The following TSPAN4 variants were observed in gnomAD, a reference collection of about 807,000 sequenced individuals.
The protein encoded by TSPAN4 is tetraspanin-4.
A neutral mutation model predicts 31.5 loss-of-function variants in TSPAN4; 38 were observed. That is an observed-to-expected ratio of 1.21 (90% confidence interval 0.93 to 1.58). The LOEUF is 1.58. Among genes scored for constraint, TSPAN4 ranks in the 40% most tolerant of loss-of-function variants. TSPAN4 has a pLI of 0.00. For missense variants in TSPAN4, 330 were observed against 317.3 expected (o/e 1.04, Z -0.30); for synonymous variants, 186 against 144.6 (o/e 1.29, Z -2.06).
At chr11:847,486 G>A (rs1299601008) in intron 2 of TSPAN4, among the ~76,000 whole-genome samples, 186 bp downstream of exon 2, 2 of 152,120 alleles carry the variant, frequency 1.3e-5, no homozygotes, top group Admixed American at 6.5e-5. Flanking sequence ...CCCCGACTGG[G>A]GTGTTGAAGG....
At chr11:853,005 G>A (rs1432346457) in intron 3 of TSPAN4, among the ~76,000 whole-genome samples, 2 of 152,120 alleles carry the variant, frequency 1.3e-5, no homozygotes, top group Non-Finnish European at 2.9e-5. Context: ...CCGGGGTGGG[G>A]TGAGGAAAGT....
chr11:850,463 C>A, intron 3 of TSPAN4, 96 bp downstream of exon 3: 1 of 1,093,232 alleles, frequency 9.1e-7, no homozygotes, highest in Non-Finnish European at 1.3e-6. Flanking sequence ...CTGCCCCGGC[C>A]AGGCGTTGGG....
At chr11:860,668 A>T (rs1848405257) in intron 3 of TSPAN4, among the ~76,000 whole-genome samples, 1 of 151,914 alleles carries the variant, frequency 6.6e-6, no homozygotes, top group Non-Finnish European at 1.5e-5. Flanking sequence ...GTGGGGTGTG[A>T]GTCTGGCCAC....
chr11:852,034 A>G (rs1415722679), intron 3 of TSPAN4, among the ~76,000 whole-genome samples: 1 of 152,108 alleles, frequency 6.6e-6, no homozygotes, highest in Non-Finnish European at 1.5e-5. Flanking sequence ...TTCCTACCGC[A>G]TGGCAGACAC....
At chr11:861,123 AC>A (rs924795239) in intron 3 of TSPAN4, among the ~76,000 whole-genome samples, 3 of 151,846 alleles carry the variant, frequency 2.0e-5, no homozygotes, top group Non-Finnish European at 2.9e-5. Flanking sequence ...GCAGCCTAGC[AC>A]CCTCTCTCTG....
At position 862,543 on chromosome 11, in the gene TSPAN4, G is replaced by A. The variant is rs368920039; in HGVS notation, c.64-7G>A. 17 of 1,600,330 alleles carry A rather than the reference G, an allele frequency of 1.1e-5. No individual in the cohort carries two copies. The highest frequency in any genetic ancestry group is 2.7e-5 in the African/African-American group (2 of 74,674). On this transcript the variant is annotated splice_region_variant and splice_polypyrimidine_tract_variant and intron_variant, in intron 3 of 8. Transcript: ENST00000397397. ...CTGTCTGTGTCTCTCCTGTTGCTGT[G>A]CCCCAGCTGGGAGGCTGTGGCGTGC...
intron 5 of TSPAN4, 111 bp from the exon 6 acceptor site, chr11:865,402 G>C (rs544295748): frequency 1.1e-5 from 9 of 810,820 alleles, no homozygotes; most frequent in Non-Finnish European, 1.4e-5. Context: ...AGGCGCGGGG[G>C]ACACAAGACC....
chr11:862,879 T>C (rs1848543675), intron 4 of TSPAN4, 138 bp downstream of exon 4: 1 of 959,662 alleles, frequency 1.0e-6, no homozygotes, highest in Non-Finnish European at 1.5e-6. Flanking sequence ...GCTGGCAGTG[T>C]GGCCCGGGGC....
At chr11:852,049 C>A (rs1190017823) in intron 3 of TSPAN4, among the ~76,000 whole-genome samples, 2 of 152,126 alleles carry the variant, frequency 1.3e-5, no homozygotes, top group Non-Finnish European at 2.9e-5. Context: ...AGACACACTC[C>A]CCCATCCTCA....
chr11:856,759 C>G (rs918769253), intron 3 of TSPAN4: 2 of 152,276 alleles, frequency 1.3e-5, no homozygotes, highest in Non-Finnish European at 2.9e-5. Flanking sequence ...CTGGCCTCAG[C>G]CCTGCTCATC....
rs191383486 is a variant in TSPAN4 at position 857,602 on chromosome 11, C to A, written c.64-4948C>A. The A allele has an allele frequency of 6.4e-4, 97 of 152,074 alleles. 1 individual carries two copies. In the East Asian group the frequency reaches 0.018, roughly 29 times the overall value. 9.4% of individuals were successfully genotyped at this position (152,074 alleles called of 1,614,324 possible). On this transcript the variant is annotated intron_variant, in intron 3 of 8. Coordinates refer to ENST00000397397, the MANE Select transcript of TSPAN4 (RefSeq NM_003271.5). ...TATTTTTTAGTAGAGACGGGGTTTCCCCGTGTTAGCCAGGATGGTCTCCAT... is the reference window on the plus strand; with the variant it reads ...TATTTTTTAGTAGAGACGGGGTTTCACCGTGTTAGCCAGGATGGTCTCCAT...
chr11:850,348 C>T lies in TSPAN4; in HGVS notation c.44C>T (p.Ala15Val), dbSNP rs902192650. The T allele has an allele frequency of 5.6e-6, 9 of 1,605,848 alleles. No homozygotes were observed. Among genetic ancestry groups the T allele is most frequent in the Admixed American group, 3.3e-5 (2 of 59,942 alleles). ...CLQAVKYLMFAFNLLFWLGGC... is the reference protein window; with the variant it reads ...CLQAVKYLMFVFNLLFWLGGC... ...CAGGCCGTCAAGTACCTCATGTTCG[C>T]CTTCAACCTGCTCTTCTGGGTGAGT... is the stretch of plus-strand genomic sequence containing the variant. The change falls in exon 3 of 9, where the codon GCC becomes GTC. Residue 15 changes from alanine (A) to valine (V), a missense_variant. Physicochemically the swap from Ala to Val is moderately conservative, Grantham distance 64. Coordinates refer to ENST00000397397, the MANE Select transcript of TSPAN4 (RefSeq NM_003271.5).
intron 3 of TSPAN4, 108 bp downstream of exon 3, chr11:850,475 G>A: frequency 2.1e-6 from 2 of 949,700 alleles, no homozygotes; most frequent in Non-Finnish European, 3.2e-6. Context: ...GGCGTTGGGT[G>A]CGGTTGTGGG....
At chr11:857,789 C>A (rs74915614) in intron 3 of TSPAN4, 2 of 152,154 alleles carry the variant, frequency 1.3e-5, no homozygotes, top group Non-Finnish European at 2.9e-5. Context: ...CTGGGCATTT[C>A]GTCTGGAATG....
At chr11:851,606 G>A (rs187738581) in intron 3 of TSPAN4, among the ~76,000 whole-genome samples, 25 of 152,260 alleles carry the variant, frequency 1.6e-4, no homozygotes, top group South Asian at 8.3e-4. Context: ...ACCTCCAGAA[G>A]GGGTCACCCA....
Position 848,161 on chromosome 11 carries a change from C to T in TSPAN4, c.-18+861C>T, listed in dbSNP as rs758800957. ...TGGCCAGGGGAAGGGGGCCGGGCGC[C>T]ATCTGCTCTCTGGGCAGAGCTGCGG... On this transcript the variant is annotated intron_variant, in intron 2 of 8. Transcript: ENST00000397397. This position sits in a 1 kb window ranked among gnomAD's most constrained non-coding sequence, Gnocchi z 5.7. Among the ~76,000 whole-genome samples, 4 of 152,236 alleles carry T rather than the reference C, an allele frequency of 2.6e-5. No homozygotes were observed. Among genetic ancestry groups the T allele is most frequent in the Non-Finnish European group, 5.9e-5 (4 of 68,032 alleles).
chr11:862,841 G>A, intron 4 of TSPAN4, 100 bp downstream of exon 4: 1 of 1,294,322 alleles, frequency 7.7e-7, no homozygotes, highest in Non-Finnish European at 1.0e-6. Context: ...CCCAGACGTG[G>A]GCACCACCTC....
chr11:852,900 A>ACCC lies in TSPAN4; in HGVS notation c.63+2537_63+2539dup, dbSNP rs11324063. Among the ~76,000 whole-genome samples, 154 of 152,056 alleles carry ACCC rather than the reference A, an allele frequency of 1.0e-3. 1 individual carries two copies. The highest frequency in any genetic ancestry group is 9.3e-3 in the South Asian group (45 of 4,816). On this transcript the variant is annotated intron_variant, in intron 3 of 8. Coordinates refer to ENST00000397397, the MANE Select transcript of TSPAN4 (RefSeq NM_003271.5). Reference sequence around the variant, plus strand: ...AAGATCCCCGCGTGTGTCTGTCCTGACCCCCCGCTGCCGGAGTCCTGCTGG... The same window carrying ACCC: ...AAGATCCCCGCGTGTGTCTGTCCTGACCCCCCCCCGCTGCCGGAGTCCTGCTGG...
At chr11:846,003 C>G (rs1847303039) in intron 1 of TSPAN4, among the ~76,000 whole-genome samples, 3 of 152,200 alleles carry the variant, frequency 2.0e-5, no homozygotes, top group African/African-American at 7.2e-5. Flanking sequence ...CACTGGGGCC[C>G]CGCAGGGGCT....
Sources: allele counts gnomAD v4.1 joint callset (sites outside exome capture counted in the v4.1 genomes callset), GRCh38; gene constraint gnomAD v4.1.1; non-coding constraint Gnocchi (gnomAD v3.1); transcripts MANE v1.5; gene names NCBI Gene and HGNC (gene_info 2026-07-23, HGNC 2026-07-21).